R3HDM1: variants seen among roughly 807,000 people sequenced by gnomAD.
R3HDM1 encodes R3H domain-containing protein 1.
In R3HDM1, 46 loss-of-function variants were observed where a neutral mutation model predicts 141.1. The ratio of observed to expected loss-of-function variants is 0.33; its 90% CI spans 0.26 to 0.42. The LOEUF (loss-of-function observed/expected upper bound fraction) is 0.42. Among genes scored for constraint, R3HDM1 ranks in the 10% least tolerant of loss-of-function variants. The pLI, the probability that R3HDM1 is intolerant of heterozygous loss-of-function variation, is 1.00. For missense variants in R3HDM1, 1,184 were observed against 1,368.3 expected (o/e 0.87, Z 2.12); for synonymous variants, 435 against 472.9 (o/e 0.92, Z 1.04).
At chr2:135,585,288 T>G (rs1707631239) in intron 1 of R3HDM1, among the ~76,000 whole-genome samples, 1 of 152,230 alleles carries the variant, frequency 6.6e-6, no homozygotes, top group African/African-American at 2.4e-5. Context: ...AGCTGGTATC[T>G]TTTAGTGTTT....
chr2:135,705,798 C>T (rs1417890795), intron 21 of R3HDM1, among the ~76,000 whole-genome samples: 1 of 151,860 alleles, frequency 6.6e-6, no homozygotes, highest in Non-Finnish European at 1.5e-5. Flanking sequence ...CTGAATTACC[C>T]TATAATGTTA....
chr2:135,595,902 A>G (rs1352475944), intron 1 of R3HDM1, among the ~76,000 whole-genome samples: 2 of 152,158 alleles, frequency 1.3e-5, no homozygotes, highest in Non-Finnish European at 2.9e-5. Context: ...GGGTTAATCT[A>G]TATTGTAGCT....
intron 7 of R3HDM1, among the ~76,000 whole-genome samples, chr2:135,628,946 C>T (rs1239612835): frequency 2.6e-5 from 4 of 151,494 alleles, no homozygotes; most frequent in African/African-American, 7.3e-5. Context: ...TTTTGATTCT[C>T]GTCTTTATTT....
At chr2:135,704,825 T>A (rs1474701059) in intron 21 of R3HDM1, among the ~76,000 whole-genome samples, 6 of 152,306 alleles carry the variant, frequency 3.9e-5, no homozygotes, top group East Asian at 3.9e-4. Context: ...ATAGTAAAAA[T>A]TTTTTCATCC....
intron 21 of R3HDM1, among the ~76,000 whole-genome samples, chr2:135,688,440 A>C (rs759509289): frequency 6.6e-5 from 10 of 152,220 alleles, no homozygotes; most frequent in African/African-American, 2.4e-4. Flanking sequence ...TGGTGGATTC[A>C]TAAGATGATG....
chr2:135,564,246 G>A (rs1212820587), intron 1 of R3HDM1, among the ~76,000 whole-genome samples: 1 of 152,174 alleles, frequency 6.6e-6, no homozygotes, highest in African/African-American at 2.4e-5. Flanking sequence ...GTGTAATATT[G>A]TACTTAGAAA....
rs189544893 is a variant in R3HDM1, at chr2:135,564,100, C to T, written c.-250+32467C>T. Among the ~76,000 whole-genome samples the T allele has an allele frequency of 3.0e-3, 457 of 152,226 alleles. 13 individuals carry two copies. Among genetic ancestry groups the T allele is most frequent in the Admixed American group, 0.02 (307 of 15,288 alleles). On this transcript the variant is annotated intron_variant, in intron 1 of 26. Coordinates refer to ENST00000683871, the MANE Select transcript of R3HDM1 (RefSeq NM_001378107.1). ...TCTGCCCCCATGACCCAAACACCAC[C>T]CACCAGGTCTCACCTCCAACATTGG...
intron 19 of R3HDM1, chr2:135,665,437 T>G (rs966157635): frequency 3.7e-6 from 2 of 534,072 alleles, no homozygotes; most frequent in Non-Finnish European, 7.7e-6. Flanking sequence ...TCTGAGAGGT[T>G]TACATTTCTC....
At chr2:135,580,239 AC>A (rs1237624801) in intron 1 of R3HDM1, among the ~76,000 whole-genome samples, 1 of 152,176 alleles carries the variant, frequency 6.6e-6, no homozygotes, top group African/African-American at 2.4e-5. Flanking sequence ...CAAGAGGGAC[AC>A]CCTGTCTCTA....
chr2:135,641,922 A>G, intron 15 of R3HDM1, 132 bp downstream of exon 15: 3 of 1,146,204 alleles, frequency 2.6e-6, no homozygotes, highest in Non-Finnish European at 2.4e-6. Context: ...GAACTTTATA[A>G]CAAAAACACT....
chr2:135,620,156 A>T, intron 5 of R3HDM1: 1 of 257,630 alleles, frequency 3.9e-6, no homozygotes, highest in African/African-American at 2.3e-5. Flanking sequence ...TAGTTACTGG[A>T]AGTGCCTTTT....
chr2:135,677,950 C>CCCCT (rs1260482660), intron 20 of R3HDM1, among the ~76,000 whole-genome samples: 4 of 151,514 alleles, frequency 2.6e-5, no homozygotes, highest in African/African-American at 9.7e-5. Context: ...GCTCTCTCTC[C>CCCCT]CCCTCCCTCC....
intron 19 of R3HDM1, among the ~76,000 whole-genome samples, chr2:135,673,086 G>A (rs953000669): frequency 6.6e-6 from 1 of 152,072 alleles, no homozygotes; most frequent in Non-Finnish European, 1.5e-5. Flanking sequence ...CAGCCTGAGC[G>A]ATAGAGACTG....
At chr2:135,716,070 C>A (rs2076129352) in intron 24 of R3HDM1, among the ~76,000 whole-genome samples, 1 of 152,158 alleles carries the variant, frequency 6.6e-6, no homozygotes, top group African/African-American at 2.4e-5. Context: ...CTTACGCCTG[C>A]AATCCCAGCA....
At chr2:135,569,962 G>A (rs1354680136) in intron 1 of R3HDM1, among the ~76,000 whole-genome samples, 1 of 152,078 alleles carries the variant, frequency 6.6e-6, no homozygotes, top group Non-Finnish European at 1.5e-5. Context: ...TCTTGACCTC[G>A]TGATCTGTCC....
At position 135,668,896 on chromosome 2, in the gene R3HDM1, C is replaced by T. The variant is rs1270625668; in HGVS notation, c.2153-6436C>T. Among the ~76,000 whole-genome samples, 3 of 152,120 alleles carry T rather than the reference C, an allele frequency of 2.0e-5. No homozygotes were observed. The East Asian group carries it at 5.8e-4, about 29-fold the overall frequency. ...AGACTTTTTGAGCAAAAGCAGCCTC[C>T]GAGGCAAAACAGCAAAACTAAAGCC... On this transcript the variant is annotated intron_variant, in intron 19 of 26. Coordinates refer to ENST00000683871, the MANE Select transcript of R3HDM1 (RefSeq NM_001378107.1).
intron 21 of R3HDM1, among the ~76,000 whole-genome samples, chr2:135,705,836 A>AC (rs1354027074): frequency 1.3e-5 from 2 of 152,084 alleles, no homozygotes; most frequent in Non-Finnish European, 2.9e-5. Context: ...CTGTAAAAAA[A>AC]CTCAGAAGAA....
At chr2:135,568,590 T>C (rs1015425321) in intron 1 of R3HDM1, among the ~76,000 whole-genome samples, 3 of 152,104 alleles carry the variant, frequency 2.0e-5, no homozygotes, top group Non-Finnish European at 4.4e-5. Context: ...CCTCAGGTGA[T>C]CTACCCGCCT....
At chr2:135,545,344 G>T (rs1698465860) in intron 1 of R3HDM1, among the ~76,000 whole-genome samples, 1 of 152,168 alleles carries the variant, frequency 6.6e-6, no homozygotes, top group Admixed American at 6.5e-5. Context: ...TATAGTGTCA[G>T]ATAGAAACTA....
Sources: allele counts gnomAD v4.1 joint callset (sites outside exome capture counted in the v4.1 genomes callset), GRCh38; gene constraint gnomAD v4.1.1; transcripts MANE v1.5; gene names NCBI Gene and HGNC (gene_info 2026-07-23, HGNC 2026-07-21).